Variants in NEK10 observed in about 807,000 individuals in gnomAD.
NEK10 encodes the protein serine/threonine-protein kinase Nek10.
NEK10 carries 122 observed loss-of-function variants against 159.8 expected under a neutral mutation model. That is an observed-to-expected ratio of 0.76 (90% CI 0.66 to 0.89). The LOEUF (loss-of-function observed/expected upper bound fraction) is 0.89, where lower values mean the gene tolerates loss of function less well. Among genes scored for constraint, NEK10 ranks in the 40% least tolerant of loss-of-function variants. The pLI is 0.00. For synonymous variants in NEK10, 466 were observed against 457.1 expected (o/e 1.02, Z -0.25); for missense variants, 1,342 against 1,323.1 (o/e 1.01, Z -0.22).
chr3:27,173,404 G>A (rs1947197536), intron 28 of NEK10, among the ~76,000 whole-genome samples: 2 of 152,092 alleles, frequency 1.3e-5, no homozygotes, highest in Non-Finnish European at 1.5e-5. Context: ...TGTTATACAT[G>A]TTTATATGCA....
At chr3:27,330,857 A>G (rs983645671) in intron 5 of NEK10, among the ~76,000 whole-genome samples, 3 of 152,196 alleles carry the variant, frequency 2.0e-5, no homozygotes, top group Non-Finnish European at 1.5e-5. Context: ...CAGAATAAAG[A>G]GATGAGGCCA....
rs1312115862 is a variant in NEK10, at chr3:27,301,305, G to A, written c.1168+391C>T. On this transcript the variant is annotated intron_variant, in intron 13 of 35. Coordinates refer to ENST00000691995, the MANE Select transcript of NEK10 (RefSeq NM_001394966.1). ...GGGAAGGTACTCTCTTGCACCTGGTGAGACAAGTGTGTGCACTGTAGATTC... is the reference window on the plus strand; with the variant it reads ...GGGAAGGTACTCTCTTGCACCTGGTAAGACAAGTGTGTGCACTGTAGATTC... Among the ~76,000 whole-genome samples, 3 of 152,174 alleles carry A rather than the reference G, an allele frequency of 2.0e-5. No homozygotes were observed. The East Asian group carries it at 5.8e-4, about 29-fold the overall frequency.
intron 30 of NEK10, among the ~76,000 whole-genome samples, chr3:27,161,785 A>C (rs1484607287): frequency 3.3e-5 from 5 of 152,248 alleles, no homozygotes; most frequent in African/African-American, 1.2e-4. Flanking sequence ...TGGGCGGATC[A>C]CCTGAGGTCA....
At chr3:27,244,814 T>C (rs944107040) in intron 23 of NEK10, among the ~76,000 whole-genome samples, 1 of 152,124 alleles carries the variant, frequency 6.6e-6, no homozygotes, top group Admixed American at 6.6e-5. Context: ...GGACTCCCAC[T>C]ATGTGCCCAC....
rs143447346 is a variant in NEK10, at chr3:27,159,920, C to T, written c.2869+2781G>A. ...GCCATAATACATGGGAAATAATGTT[C>T]ACATACTAGATATATTCCTGGGGAA... On this transcript the variant is annotated intron_variant, in intron 30 of 35. Coordinates refer to ENST00000691995, the MANE Select transcript of NEK10 (RefSeq NM_001394966.1). 9.4e-4 allele frequency among the ~76,000 whole-genome samples: 141 copies of T among 150,702 alleles called. 1 individual carries two copies. The highest frequency in any genetic ancestry group is 3.3e-3 in the African/African-American group (137 of 40,984).
chr3:27,152,612 A>G (rs557792055), intron 30 of NEK10, among the ~76,000 whole-genome samples: 3 of 152,158 alleles, frequency 2.0e-5, no homozygotes, highest in Non-Finnish European at 4.4e-5. Context: ...CAAAAAAAAA[A>G]CAAAAGTACA....
rs189958470 is a variant in NEK10, at chr3:27,363,976, T to G, written c.-38+5249A>C. On this transcript the variant is annotated intron_variant, in intron 1 of 35. Coordinates refer to ENST00000691995, the MANE Select transcript of NEK10 (RefSeq NM_001394966.1). ...TGACCAAAAATTAGAAATAACAACA[T>G]GCCTATGACAAGGTGGCAGTCGGGA... 17 of 152,214 alleles carry G rather than the reference T, an allele frequency of 1.1e-4. No homozygotes were observed. The East Asian group carries it at 2.9e-3, about 26-fold the overall frequency. The allele number at this position is 152,214 out of a possible 1,614,324, so 9.4% of individuals were successfully genotyped here. A position where few individuals can be genotyped will look rare whatever the true frequency, so the allele number is the denominator to read the frequency against.
chr3:27,326,385 A>G (rs892009577), intron 5 of NEK10, among the ~76,000 whole-genome samples: 5 of 152,186 alleles, frequency 3.3e-5, no homozygotes, highest in Admixed American at 6.5e-5. Context: ...ATTACTTTTC[A>G]TTATTTAAAG....
In NEK10 at chr3:27,174,630, C is replaced by T. The variant is rs768013997; in HGVS notation, c.2689+20G>A. The T allele has an allele frequency of 6.2e-7, 1 of 1,602,782 alleles. No individual in the cohort carries two copies. The highest frequency in any genetic ancestry group is 8.5e-7 in the Non-Finnish European group (1 of 1,174,640). On this transcript the variant is annotated intron_variant, in intron 27 of 35. Transcript: ENST00000691995. The stretch of plus-strand genomic sequence containing the variant: ...CTGCCACTAGCAGTACCTACGTTGA[C>T]ACACTGCCACTAGCAGTACCTTTCT...
At chr3:27,335,338 T>G (rs569091535) in intron 5 of NEK10, among the ~76,000 whole-genome samples, 2 of 119,250 alleles carry the variant, frequency 1.7e-5, no homozygotes, top group Non-Finnish European at 3.1e-5. Context: ...AAACTCTGTC[T>G]CAAAAAAAAA....
chr3:27,276,452 A>T (rs975729897), intron 22 of NEK10, among the ~76,000 whole-genome samples: 6 of 152,146 alleles, frequency 3.9e-5, no homozygotes, highest in Non-Finnish European at 8.8e-5. Flanking sequence ...ATACAGCCAC[A>T]TCCTGTTCAG....
chr3:27,344,941 T>C (rs1468421447), intron 4 of NEK10, among the ~76,000 whole-genome samples: 2 of 152,176 alleles, frequency 1.3e-5, no homozygotes, highest in African/African-American at 4.8e-5. Flanking sequence ...GTTTAAAAAA[T>C]TCTGAGATAT....
intron 16 of NEK10, among the ~76,000 whole-genome samples, chr3:27,292,420 C>T (rs754594899): frequency 2.0e-5 from 3 of 152,038 alleles, no homozygotes; most frequent in African/African-American, 4.8e-5. Flanking sequence ...AATACTGGTA[C>T]ATGAAAAATA....
intron 5 of NEK10, among the ~76,000 whole-genome samples, chr3:27,328,574 A>G (rs1319009792): frequency 6.6e-6 from 1 of 152,182 alleles, no homozygotes; most frequent in Non-Finnish European, 1.5e-5. Flanking sequence ...AGATAGAGCA[A>G]TAGGGATTGG....
chr3:27,163,078 G>T (rs937765675), intron 29 of NEK10, among the ~76,000 whole-genome samples: 1 of 151,464 alleles, frequency 6.6e-6, no homozygotes, highest in Non-Finnish European at 1.5e-5. Context: ...GTTATATATA[G>T]TATTTTCTAT....
intron 7 of NEK10, 54 bp downstream of exon 7, chr3:27,314,243 C>T: frequency 1.5e-6 from 2 of 1,318,422 alleles, no homozygotes; most frequent in Non-Finnish European, 2.2e-6. Flanking sequence ...AATTCTTGCT[C>T]ATAGCAGGCA....
chr3:27,346,271 G>C (rs1476408113), intron 3 of NEK10, 55 bp from the exon 4 acceptor site: 1 of 1,586,400 alleles, frequency 6.3e-7, no homozygotes, highest in Non-Finnish European at 8.6e-7. Context: ...ACGGGATAAA[G>C]AAAGTAACAA....
intron 23 of NEK10, among the ~76,000 whole-genome samples, chr3:27,220,989 A>G (rs902273703): frequency 9.2e-5 from 14 of 152,176 alleles, no homozygotes. Flanking sequence ...TGAAGTTGGA[A>G]CCTTACCTCA....
At position 27,260,522 on chromosome 3, in the gene NEK10, T is replaced by G. The variant is rs190694294; in HGVS notation, c.2015-4151A>C. On this transcript the variant is annotated intron_variant, in intron 22 of 35. Coordinates refer to ENST00000691995, the MANE Select transcript of NEK10 (RefSeq NM_001394966.1). ...GTTCTGTTTATATGCAGGATTACGT[T>G]TATTGATTTGCGTATGTTGAACCAG... is the stretch of plus-strand genomic sequence containing the variant. 7.9e-5 allele frequency among the ~76,000 whole-genome samples: 12 copies of G among 152,338 alleles called. No homozygotes were observed. The South Asian group carries it at 1.2e-3, about 16-fold the overall frequency.
Sources: allele counts gnomAD v4.1 joint callset (sites outside exome capture counted in the v4.1 genomes callset), GRCh38; gene constraint gnomAD v4.1.1; transcripts MANE v1.5; gene names NCBI Gene and HGNC (gene_info 2026-07-23, HGNC 2026-07-21).